The following STAB2 variants were observed in gnomAD, a reference collection of about 807,000 sequenced individuals.
STAB2 encodes the protein stabilin-2.
STAB2 carries 288 observed loss-of-function variants against 338.1 expected under a neutral mutation model. That is an observed-to-expected ratio of 0.85 (90% CI 0.77 to 0.94). The LOEUF (loss-of-function observed/expected upper bound fraction) is 0.94. STAB2 is among the 40% of genes least tolerant of loss of function. The pLI is 0.00. For synonymous variants in STAB2, 1,202 were observed against 1,193.3 expected, an observed-to-expected ratio of 1.01 and a Z score of -0.15; for missense variants, 3,141 against 3,210.1, an observed-to-expected ratio of 0.98 and a Z score of 0.52.
At chr12:103,759,811 C>T (rs571130948) in intron 65 of STAB2, among the ~76,000 whole-genome samples, 16 of 152,126 alleles carry the variant, frequency 1.1e-4, no homozygotes, top group Admixed American at 3.9e-4. Flanking sequence ...AATAGACATA[C>T]GATAAATAGG....
chr12:103,643,949 A>T (rs1449987331), intron 9 of STAB2, among the ~76,000 whole-genome samples: 10 of 81,158 alleles, frequency 1.2e-4, no homozygotes, highest in East Asian at 2.7e-4. Flanking sequence ...CCCGTCCGGG[A>T]GGTGAGGGGC....
intron 39 of STAB2, among the ~76,000 whole-genome samples, chr12:103,710,755 C>T (rs960589849): frequency 7.2e-5 from 11 of 152,288 alleles, no homozygotes; most frequent in African/African-American, 2.4e-4. Context: ...CTTTTGCAGG[C>T]CTCTGTTTCA....
At chr12:103,726,266 A>G (rs1205195129) in intron 46 of STAB2, 103 bp downstream of exon 46, 3 of 1,225,758 alleles carry the variant, frequency 2.4e-6, no homozygotes, top group South Asian at 2.6e-5. Flanking sequence ...AGGCGGGCAG[A>G]TTGCCTGAGC....
At chr12:103,610,603 G>A (rs146771244) in intron 3 of STAB2, among the ~76,000 whole-genome samples, 3,174 of 151,830 alleles carry the variant, frequency 0.021, 81 homozygotes, top group African/African-American at 0.056. Context: ...TCTTGCTAGC[G>A]GTCTATCAAT....
At chr12:103,654,790 T>C (rs1358198585) in intron 13 of STAB2, 92 bp downstream of exon 13, 2 of 1,462,822 alleles carry the variant, frequency 1.4e-6, no homozygotes, top group South Asian at 1.5e-5. Context: ...ACTCTGTGCT[T>C]GTGCTTCGTT....
intron 3 of STAB2, among the ~76,000 whole-genome samples, chr12:103,607,442 T>A (rs56741250): frequency 0.32 from 48,398 of 149,494 alleles, 9,862 homozygotes; most frequent in African/African-American, 0.58. Flanking sequence ...AACGTGCAGG[T>A]TTGTTACATA....
At position 103,746,511 on chromosome 12, in the gene STAB2, CAG is replaced by C. The variant is rs372408865; in HGVS notation, c.6137-79_6137-78del. The stretch of plus-strand genomic sequence containing the variant: ...GGCACTTATGAACACAGTGGTCGTC[CAG>C]AGAGAGTCTTGGAAAGTCTCCTTAG... On this transcript the variant is annotated intron_variant, in intron 57 of 68. Transcript: ENST00000388887. The C allele has an allele frequency of 7.9e-5, 101 of 1,279,226 alleles. 1 individual carries two copies. In the East Asian group the frequency reaches 1.7e-3, roughly 22 times the overall value. 79.2% of individuals were successfully genotyped at this position (1,279,226 alleles called of 1,614,324 possible).
intron 60 of STAB2, among the ~76,000 whole-genome samples, chr12:103,751,530 G>A (rs1883651465): frequency 6.6e-6 from 1 of 152,182 alleles, no homozygotes; most frequent in East Asian, 1.9e-4. Flanking sequence ...AGGTTTGAAA[G>A]CTTGGTTGGG....
chr12:103,625,935 C>G (rs888053480), intron 5 of STAB2, among the ~76,000 whole-genome samples: 2 of 152,312 alleles, frequency 1.3e-5, no homozygotes, highest in Admixed American at 6.5e-5. Flanking sequence ...AATCGCCACA[C>G]TGACTTCCAC....
At position 103,674,004 on chromosome 12, in the gene STAB2, T is replaced by C; in HGVS notation, c.2469T>C (p.Cys823=). 1 of 1,614,106 alleles carries C rather than the reference T, an allele frequency of 6.2e-7. No homozygotes were observed. The highest frequency in any genetic ancestry group is 8.5e-7 in the Non-Finnish European group (1 of 1,180,014). Residue 823 remains cysteine, a synonymous_variant, in exon 23 of 69, where the codon TGT becomes TGC. Coordinates refer to ENST00000388887, the MANE Select transcript of STAB2 (RefSeq NM_017564.10). ...TCRDGSAGRL[C]DKQTSACGPY... ...GAGACGGCTCTGCCGGGAGACTCTG[T>C]GATAAGCAGACCTCAGCCTGTGGGC... is the stretch of plus-strand genomic sequence containing the variant.
At chr12:103,685,422 C>CTGTGTGTGTGTGTGTGTGTG (rs141365936) in intron 27 of STAB2, among the ~76,000 whole-genome samples, 17 of 145,810 alleles carry the variant, frequency 1.2e-4, no homozygotes, top group East Asian at 2.1e-4. Context: ...CTTACCCATG[C>CTGTGTGTGTGTGTGTGTGTG]TGTGTGTGTG....
At chr12:103,602,428 A>G (rs1215651618) in intron 3 of STAB2, among the ~76,000 whole-genome samples, 1 of 152,240 alleles carries the variant, frequency 6.6e-6, no homozygotes, top group African/African-American at 2.4e-5. Context: ...GCCACCACGG[A>G]CAATCACACA....
At position 103,708,480 on chromosome 12, in the gene STAB2, T is replaced by C; in HGVS notation, c.4232T>C (p.Leu1411Ser). 2 of 1,614,146 alleles carry C rather than the reference T, an allele frequency of 1.2e-6. No homozygotes were observed. Among genetic ancestry groups the C allele is most frequent in the Non-Finnish European group, 1.7e-6 (2 of 1,179,972 alleles). ...CATGGGAGATGCAACCAAGGACCCT[T>C]GGGAGATGGCTCCTGTGACTGTGAT... ...CVHGRCNQGP[L>S]GDGSCDCDVG... Residue 1411 changes from leucine to serine, a missense_variant, in exon 39 of 69, where the codon TTG becomes TCG. By Grantham distance (145) the Leu-to-Ser change is moderately radical. Coordinates refer to ENST00000388887, the MANE Select transcript of STAB2 (RefSeq NM_017564.10).
chr12:103,702,090 C>G (rs1566028165), intron 34 of STAB2, among the ~76,000 whole-genome samples: 1 of 148,808 alleles, frequency 6.7e-6, no homozygotes, highest in Non-Finnish European at 1.5e-5. Context: ...TGAATGAATC[C>G]ATGGCTTCAT....
At chr12:103,598,287 G>GTCCC (rs1956906316) in intron 3 of STAB2, among the ~76,000 whole-genome samples, 1 of 152,172 alleles carries the variant, frequency 6.6e-6, no homozygotes, top group South Asian at 2.1e-4. Context: ...AGGAGATAAA[G>GTCCC]TTACAGAGAA....
chr12:103,621,585 AT>A (rs1565966400), intron 4 of STAB2, among the ~76,000 whole-genome samples: 1 of 152,140 alleles, frequency 6.6e-6, no homozygotes, highest in East Asian at 1.9e-4. Context: ...TACAAAAATT[AT>A]CCGGGTGTGG....
intron 6 of STAB2, among the ~76,000 whole-genome samples, chr12:103,633,074 C>G (rs1466376165): frequency 1.3e-5 from 2 of 152,200 alleles, no homozygotes; most frequent in African/African-American, 2.4e-5. Context: ...ATGAAAGCCT[C>G]CAGTCCAAAT....
intron 25 of STAB2, among the ~76,000 whole-genome samples, chr12:103,682,135 C>T (rs1876968851): frequency 6.9e-6 from 1 of 145,382 alleles, no homozygotes; most frequent in Non-Finnish European, 1.5e-5. Flanking sequence ...TGTAGACAAA[C>T]TTGAAAAACA....
At chr12:103,609,368 A>C (rs2138590946) in intron 3 of STAB2, among the ~76,000 whole-genome samples, 2 of 152,298 alleles carry the variant, frequency 1.3e-5, no homozygotes, top group South Asian at 4.1e-4. Context: ...TTCATTGAGC[A>C]GTGGTTTGTA....
Sources: gnomAD v4.1 joint callset for allele counts (sites outside exome capture counted in the v4.1 genomes callset) on GRCh38, gnomAD v4.1.1 for gene constraint, MANE v1.5 for transcripts, NCBI Gene and HGNC (gene_info 2026-07-23, HGNC 2026-07-21) for gene names.